The following GPRIN2 variants were observed in gnomAD, a reference collection of about 807,000 sequenced individuals.
GPRIN2 encodes the protein G protein regulated inducer of neurite outgrowth 2, also known as G protein-regulated inducer of neurite outgrowth 2.
A neutral mutation model predicts 0.3 loss-of-function variants in GPRIN2; 1 was observed. The ratio of observed to expected loss-of-function variants is 3.90; its 90% CI spans 1.39 to 18.51. GPRIN2 has a LOEUF of 18.51. GPRIN2 is among the 30% of genes most tolerant of loss of function. The pLI, the probability that GPRIN2 is intolerant of heterozygous loss-of-function variation, is 0.11. For missense variants in GPRIN2, 880 were observed against 604.2 expected (o/e 1.46, Z -4.79); for synonymous variants, 361 against 258.6 (o/e 1.40, Z -3.80).
Position 46,545,852 on chromosome 10 carries a change from C to CT in GPRIN2, c.*3507_*3508insA. Among the ~76,000 whole-genome samples, 1 of 152,310 alleles carries CT rather than the reference C, an allele frequency of 6.6e-6. No individual in the cohort carries two copies. Among genetic ancestry groups the CT allele is most frequent in the Non-Finnish European group, 1.5e-5 (1 of 68,056 alleles). Reference sequence around the variant, plus strand: ...TGTGAAGGAGGCACCATTGTCATCCCCATCTTACAGATGAGGAAGATGATC... The same window carrying CT: ...TGTGAAGGAGGCACCATTGTCATCCCTCATCTTACAGATGAGGAAGATGATC... On this transcript the variant is annotated 3_prime_UTR_variant, in exon 3 of 3. Coordinates refer to ENST00000374314, the MANE Select transcript of GPRIN2 (RefSeq NM_001385282.1).
chr10:46,546,644 T>C lies in GPRIN2; in HGVS notation c.*2716A>G, dbSNP rs1842185514. ...CTGTAAACTAAACCGCTGGCCATGC[T>C]CTGGGGCCCTAAACCACTGCAGGCA... On this transcript the variant is annotated 3_prime_UTR_variant, in exon 3 of 3. Transcript: ENST00000374314. 1.3e-5 allele frequency among the ~76,000 whole-genome samples: 2 copies of C among 152,308 alleles called. No homozygotes were observed. The highest frequency in any genetic ancestry group is 1.3e-4 in the Admixed American group (2 of 15,294).
At chr10:46,552,667 C>T (rs1842744976) in intron 2 of GPRIN2, among the ~76,000 whole-genome samples, 3 of 152,304 alleles carry the variant, frequency 2.0e-5, no homozygotes. Flanking sequence ...TAGGTAGGCA[C>T]CAATGGCATG....
At chr10:46,551,093 G>C (rs919114351) in intron 2 of GPRIN2, among the ~76,000 whole-genome samples, 1 of 152,426 alleles carries the variant, frequency 6.6e-6, no homozygotes, top group Middle Eastern at 3.4e-3. Context: ...AATCTGCTGG[G>C]GCTTTGGGGG....
intron 1 of GPRIN2, among the ~76,000 whole-genome samples, chr10:46,556,074 C>T (rs1218646703): frequency 6.6e-6 from 1 of 152,310 alleles, no homozygotes; most frequent in African/African-American, 2.4e-5. Context: ...GCAAAGGCAG[C>T]GACTGCAGGC....
At chr10:46,554,965 G>C (rs1188656515) in intron 1 of GPRIN2, among the ~76,000 whole-genome samples, 3 of 152,310 alleles carry the variant, frequency 2.0e-5, no homozygotes, top group African/African-American at 7.2e-5. Flanking sequence ...GTTTGTTTGT[G>C]AGACAGAGTC....
Position 46,545,724 on chromosome 10 carries a change from T to G in GPRIN2, c.*3636A>C, listed in dbSNP as rs1555013184. On this transcript the variant is annotated 3_prime_UTR_variant, in exon 3 of 3. Coordinates refer to ENST00000374314, the MANE Select transcript of GPRIN2 (RefSeq NM_001385282.1). Reference sequence around the variant, plus strand: ...GGCAGGGTAAGAGGTGGCCCCTGAATGTGGCTATGAGAGGGGTGCCCAACA... The same window carrying G: ...GGCAGGGTAAGAGGTGGCCCCTGAAGGTGGCTATGAGAGGGGTGCCCAACA... Among the ~76,000 whole-genome samples, 3 of 152,306 alleles carry G rather than the reference T, an allele frequency of 2.0e-5. No individual in the cohort carries two copies.
intron 1 of GPRIN2, among the ~76,000 whole-genome samples, chr10:46,555,143 C>A (rs1032809172): frequency 6.6e-6 from 1 of 152,306 alleles, no homozygotes; most frequent in East Asian, 1.9e-4. Flanking sequence ...ATGGGGTTTT[C>A]GCCATGTTGG....
rs1841812988 is a variant in GPRIN2 at position 46,542,149 on chromosome 10, C to T, written c.*7211G>A. Among the ~76,000 whole-genome samples, 1 of 152,312 alleles carries T rather than the reference C, an allele frequency of 6.6e-6. No homozygotes were observed. The highest frequency in any genetic ancestry group is 1.5e-5 in the Non-Finnish European group (1 of 68,058). On this transcript the variant is annotated 3_prime_UTR_variant, in exon 3 of 3. Transcript: ENST00000374314. ...TTGACTGCTAAAAATGAGAAGTGAACAGAGAGAAGGCCAGGCAGAAGGCTG... is the reference window on the plus strand; with the variant it reads ...TTGACTGCTAAAAATGAGAAGTGAATAGAGAGAAGGCCAGGCAGAAGGCTG...
rs1832563437 is a variant in GPRIN2, at chr10:46,549,881, G to C, written c.856C>G (p.Leu286Val). ...GCACAGCAATGGGAATGCCCAGGGA[G>C]CCCCCCAGACAACCTACAGTGGATC... ...VKIHCRLSGGLPGHSHCCAHL... is the reference protein window; with the variant it reads ...VKIHCRLSGGVPGHSHCCAHL... Residue 286 changes from leucine (L) to valine (V), a missense_variant, in exon 3 of 3, where the codon CTC (leucine) becomes GTC (valine). Physicochemically the swap from Leu to Val is conservative, Grantham distance 32. Coordinates refer to ENST00000374314, the MANE Select transcript of GPRIN2 (RefSeq NM_001385282.1). 6.2e-7 allele frequency: 1 copy of C among 1,614,272 alleles called. No individual in the cohort carries two copies. The highest frequency in any genetic ancestry group is 1.1e-5 in the South Asian group (1 of 91,092).
rs1832687416 is a variant in GPRIN2 at position 46,549,537 on chromosome 10, C to T, written c.1200G>A (p.Leu400=). 8 of 1,613,478 alleles carry T rather than the reference C, an allele frequency of 5.0e-6. No homozygotes were observed. Among genetic ancestry groups the T allele is most frequent in the African/African-American group, 4.0e-5 (3 of 74,954 alleles). The change falls in exon 3 of 3, where the codon CTG becomes CTA. Residue 400 remains leucine, a synonymous_variant. Coordinates refer to ENST00000374314, the MANE Select transcript of GPRIN2 (RefSeq NM_001385282.1). ...TWEVYGAAVD[L]EVLGVAIQKH... ...TCTGGATGGCCACACCGAGCACCTC[C>T]AGGTCCACCGCAGCTCCGTACACCT...
chr10:46,553,946 C>T (rs1193260882), intron 2 of GPRIN2, among the ~76,000 whole-genome samples: 1 of 152,310 alleles, frequency 6.6e-6, no homozygotes, highest in African/African-American at 2.4e-5. Context: ...GAGGGGCCTC[C>T]CAGGGAGCCA....
Position 46,550,354 on chromosome 10 carries a change from G to A in GPRIN2, c.383C>T (p.Thr128Ile). The change falls in exon 3 of 3, where the codon ACC becomes ATC. Residue 128 changes from threonine to isoleucine, a missense_variant. Thr to Ile is a moderately conservative substitution (Grantham distance 89). Coordinates refer to ENST00000374314, the MANE Select transcript of GPRIN2 (RefSeq NM_001385282.1). ...AGCACCACTGTGTCCCCGCATCTGG[G>A]TGCTACGGACCAGGTCTGAATGGCT... is the stretch of plus-strand genomic sequence containing the variant. ...QRSHSDLVRS[T>I]QMRGHSGARK... 6.2e-7 allele frequency: 1 copy of A among 1,613,024 alleles called. No homozygotes were observed. Among genetic ancestry groups the A allele is most frequent in the Non-Finnish European group, 8.5e-7 (1 of 1,179,938 alleles).
Position 46,542,544 on chromosome 10 carries a change from TGCCATGATTGTAA to T in GPRIN2, c.*6803_*6815del, listed in dbSNP as rs1330571195. 6.6e-6 allele frequency among the ~76,000 whole-genome samples: 1 copy of T among 152,312 alleles called. No individual in the cohort carries two copies. Among genetic ancestry groups the T allele is most frequent in the African/African-American group, 2.4e-5 (1 of 41,488 alleles). ...GGTGCCTTGCTTCTCCTTCGCTGTC[TGCCATGATTGTAA>T]GTTTCCTGAGGCTTCCTGTAAGTTT... On this transcript the variant is annotated 3_prime_UTR_variant, in exon 3 of 3. Transcript: ENST00000374314.
chr10:46,553,642 G>T (rs1832034327), intron 2 of GPRIN2, among the ~76,000 whole-genome samples: 2 of 152,424 alleles, frequency 1.3e-5, no homozygotes, highest in East Asian at 1.9e-4. Context: ...CCAGAGGGCT[G>T]CCCAGCACCC....
Position 46,542,270 on chromosome 10 carries a change from T to C in GPRIN2, c.*7090A>G, listed in dbSNP as rs1833070404. On this transcript the variant is annotated 3_prime_UTR_variant, in exon 3 of 3. Transcript: ENST00000374314. ...GGTTCCAGCCCCAACAGAGGCTCCC[T>C]GCTTGGGCCTTGCTCAGGCCTGGGA... Among the ~76,000 whole-genome samples, 589 of 151,982 alleles carry C rather than the reference T, an allele frequency of 3.9e-3. No homozygotes were observed. Among genetic ancestry groups the C allele is most frequent in the African/African-American group, 0.014 (557 of 41,178 alleles).
chr10:46,549,340 G>A lies in GPRIN2; in HGVS notation c.*20C>T. 2.1e-6 allele frequency: 3 copies of A among 1,462,694 alleles called. No individual in the cohort carries two copies. Among genetic ancestry groups the A allele is most frequent in the Non-Finnish European group, 2.7e-6 (3 of 1,108,996 alleles). The allele number at this position is 1,462,694 out of a possible 1,614,324, so 90.6% of individuals were successfully genotyped here. A position where few individuals can be genotyped will look rare whatever the true frequency, so the allele number is the denominator to read the frequency against. ...GGACTAAGTCAGTGGGCCCAGGCCA[G>A]CTCCAAGGGCCACAGCTCCTCACTC... On this transcript the variant is annotated 3_prime_UTR_variant, in exon 3 of 3. Coordinates refer to ENST00000374314, the MANE Select transcript of GPRIN2 (RefSeq NM_001385282.1).
rs1842491579 is a variant in GPRIN2 at position 46,550,403 on chromosome 10, G to T, written c.334C>A (p.Pro112Thr). The change falls in exon 3 of 3, where the codon CCT becomes ACT. Residue 112 changes from proline to threonine, a missense_variant. Pro to Thr is a conservative substitution (Grantham distance 38, BLOSUM62 -1). Coordinates refer to ENST00000374314, the MANE Select transcript of GPRIN2 (RefSeq NM_001385282.1). ...GGSDLCRLRA[P>T]SAAAMQRSHS... ...CTCCTCTGCATAGCAGCAGCACTAG[G>T]GGCCCGCAGGCGACACAGGTCACTG... The T allele has an allele frequency of 6.2e-7, 1 of 1,611,794 alleles. No homozygotes were observed. Among genetic ancestry groups the T allele is most frequent in the Non-Finnish European group, 8.5e-7 (1 of 1,179,638 alleles).
chr10:46,554,440 C>G (rs1831995294), intron 2 of GPRIN2, 145 bp downstream of exon 2: 1 of 152,728 alleles, frequency 6.5e-6, no homozygotes, highest in African/African-American at 2.4e-5. Flanking sequence ...CTTTAAATGC[C>G]CAGAATGGCA....
At chr10:46,557,080 C>T (rs1010868313), upstream of GPRIN2, among the ~76,000 whole-genome samples, 13 of 17,694 alleles carry the variant, frequency 7.3e-4, no homozygotes, top group South Asian at 0.056. Flanking sequence ...GAGGTCTCCG[C>T]GCCGGCGGCT....
Sources: allele counts gnomAD v4.1 joint callset (sites outside exome capture counted in the v4.1 genomes callset), GRCh38; gene constraint gnomAD v4.1.1; transcripts MANE v1.5; gene names NCBI Gene and HGNC (gene_info 2026-07-23, HGNC 2026-07-21).